ARHGAP24: variants seen among roughly 807,000 people sequenced by gnomAD.
ARHGAP24 encodes the protein Rho GTPase activating protein 24, also known as rho GTPase-activating protein 24.
ARHGAP24 carries 50 observed loss-of-function variants against 76.4 expected under a neutral mutation model. The observed-to-expected ratio is 0.65, with a 90% CI of 0.52 to 0.83. The LOEUF is 0.83. Ranked by LOEUF, ARHGAP24 falls within the 40% of genes least tolerant of loss-of-function variation. The pLI is 0.00. For synonymous variants in ARHGAP24, 345 were observed against 323.3 expected, an observed-to-expected ratio of 1.07 and a Z score of -0.72; for missense variants, 930 against 914.2, an observed-to-expected ratio of 1.02 and a Z score of -0.22.
intron 2 of ARHGAP24, among the ~76,000 whole-genome samples, chr4:85,619,495 G>T (rs1243454738): frequency 3.3e-5 from 5 of 149,302 alleles, no homozygotes; most frequent in African/African-American, 4.9e-5. Context: ...TTCTATTTCT[G>T]TAAAAAAAAA....
chr4:85,788,881 G>A (rs565100327), intron 3 of ARHGAP24, among the ~76,000 whole-genome samples: 16 of 152,288 alleles, frequency 1.1e-4, no homozygotes, highest in Admixed American at 6.5e-4. Context: ...TGAGATCAAG[G>A]ACAGAAAGGA....
chr4:85,766,211 A>G (rs985842994), intron 3 of ARHGAP24, among the ~76,000 whole-genome samples: 11 of 152,106 alleles, frequency 7.2e-5, no homozygotes, highest in African/African-American at 2.2e-4. Flanking sequence ...TGAAGGAAGT[A>G]GAGATGGGGT....
At chr4:85,928,211 G>C (rs575211639) in intron 4 of ARHGAP24, among the ~76,000 whole-genome samples, 20 of 132,500 alleles carry the variant, frequency 1.5e-4, no homozygotes, top group Non-Finnish European at 2.3e-4. Context: ...GGAAGGTTTC[G>C]TTTTCCTTCC....
chr4:85,887,917 A>G (rs892817627), intron 3 of ARHGAP24, among the ~76,000 whole-genome samples: 12 of 152,178 alleles, frequency 7.9e-5, no homozygotes, highest in African/African-American at 2.7e-4. Context: ...ATTTCTTACC[A>G]TTTATGTTGT....
chr4:85,772,931 T>C (rs1258654338), intron 3 of ARHGAP24, among the ~76,000 whole-genome samples: 2 of 151,672 alleles, frequency 1.3e-5, no homozygotes, highest in Non-Finnish European at 2.9e-5. Flanking sequence ...GTATAAAGTA[T>C]ATGCGCCTCA....
intron 1 of ARHGAP24, among the ~76,000 whole-genome samples, chr4:85,506,827 C>G (rs923765388): frequency 1.3e-5 from 2 of 152,178 alleles, no homozygotes; most frequent in African/African-American, 4.8e-5. Context: ...TCTTCTGCAT[C>G]AGTCACGCTG....
intron 3 of ARHGAP24, among the ~76,000 whole-genome samples, chr4:85,788,454 A>C (rs985614151): frequency 6.6e-5 from 10 of 152,200 alleles, no homozygotes; most frequent in African/African-American, 1.9e-4. Flanking sequence ...AGTGTAAAGT[A>C]TACTTTATTT....
intron 2 of ARHGAP24, among the ~76,000 whole-genome samples, chr4:85,645,017 A>G (rs1721672112): frequency 1.3e-5 from 2 of 152,246 alleles, no homozygotes; most frequent in Non-Finnish European, 1.5e-5. Flanking sequence ...AAAATTGACT[A>G]TTAGAAGCAA....
At chr4:85,534,471 A>G (rs1725387348) in intron 1 of ARHGAP24, among the ~76,000 whole-genome samples, 3 of 152,192 alleles carry the variant, frequency 2.0e-5, no homozygotes, top group South Asian at 4.1e-4. Context: ...TGTGGTGGCA[A>G]TAACCAATGG....
At chr4:85,636,180 T>C (rs1223214456) in intron 2 of ARHGAP24, among the ~76,000 whole-genome samples, 4 of 151,822 alleles carry the variant, frequency 2.6e-5, no homozygotes, top group South Asian at 2.1e-4. Flanking sequence ...TATTGCACTT[T>C]CCTTGTTTTT....
chr4:85,874,156 C>G (rs573360114), intron 3 of ARHGAP24, among the ~76,000 whole-genome samples: 32 of 152,188 alleles, frequency 2.1e-4, no homozygotes, highest in African/African-American at 7.5e-4. Flanking sequence ...ACAATCTGTA[C>G]AAATATTGGA....
chr4:85,570,789 A>G lies in ARHGAP24; in HGVS notation c.180+68A>G. ...CAAGAAATAGAGGGATTTGCTAGAA[A>G]CCGATTGGGACTGAGACCACCCAAA... On this transcript the variant is annotated intron_variant, in intron 2 of 9. Coordinates refer to ENST00000395184, the MANE Select transcript of ARHGAP24 (RefSeq NM_001025616.3). The G allele has an allele frequency of 3.8e-6, 6 of 1,560,868 alleles. No individual in the cohort carries two copies. The South Asian group carries it at 6.8e-5, about 18-fold the overall frequency.
rs1054434195 is a variant in ARHGAP24 at position 85,662,166 on chromosome 4, T to A, written c.181-59719T>A. ...AAAGTGTTCCTATTTCTCCACATCC[T>A]CTCCAGCACCTGTTGTTTCCTGACT... On this transcript the variant is annotated intron_variant, in intron 2 of 9. Transcript: ENST00000395184. 2.0e-4 allele frequency among the ~76,000 whole-genome samples: 31 copies of A among 152,294 alleles called. 1 individual carries two copies. In the East Asian group the frequency reaches 3.3e-3, roughly 16 times the overall value.
intron 3 of ARHGAP24, chr4:85,778,948 A>G (rs1342939409): frequency 1.0e-6 from 1 of 985,366 alleles, no homozygotes; most frequent in Non-Finnish European, 1.2e-6. Context: ...TGCGTAGACC[A>G]GACCAGTGAC....
chr4:85,949,791 A>G (rs1412485631), intron 5 of ARHGAP24, among the ~76,000 whole-genome samples: 1 of 152,218 alleles, frequency 6.6e-6, no homozygotes, highest in African/African-American at 2.4e-5. Context: ...TATAAGGATG[A>G]GAGAAACTAT....
At chr4:85,778,668 G>A (rs989702091) in intron 3 of ARHGAP24, 2 of 983,670 alleles carry the variant, frequency 2.0e-6, no homozygotes, top group African/African-American at 1.7e-5. Flanking sequence ...TTCCTTGTAG[G>A]TTTTTTTTCC....
intron 1 of ARHGAP24, among the ~76,000 whole-genome samples, chr4:85,492,090 CCCTCCTT>C (rs1341670944): frequency 1.7e-4 from 26 of 151,648 alleles, no homozygotes. Flanking sequence ...CTTCCCTCCT[CCCTCCTT>C]CCCTCCCTTC....
In ARHGAP24 at chr4:85,778,613, T is replaced by C. The variant is rs545851866; in HGVS notation, c.268+56641T>C. 1.1e-3 allele frequency: 986 copies of C among 921,442 alleles called. 2 individuals carry two copies. Among genetic ancestry groups the C allele is most frequent in the Non-Finnish European group, 1.2e-3 (938 of 771,714 alleles). 57.1% of individuals were successfully genotyped at this position (921,442 alleles called of 1,614,324 possible). A position where few individuals can be genotyped will look rare whatever the true frequency, so the allele number is the denominator to read the frequency against. ...ATGATTCCTATTTCTTATTTTGTTT[T>C]GTTTTGTTTCTAAATGCTCAAATAC... On this transcript the variant is annotated intron_variant, in intron 3 of 9. Transcript: ENST00000395184.
intron 3 of ARHGAP24, among the ~76,000 whole-genome samples, chr4:85,887,892 A>G (rs1733653767): frequency 6.6e-6 from 1 of 152,216 alleles, no homozygotes; most frequent in Non-Finnish European, 1.5e-5. Context: ...ATCAAAAAGA[A>G]GTAGAAAACA....
Sources: allele counts gnomAD v4.1 joint callset (sites outside exome capture counted in the v4.1 genomes callset), GRCh38; gene constraint gnomAD v4.1.1; transcripts MANE v1.5; gene names NCBI Gene and HGNC (gene_info 2026-07-23, HGNC 2026-07-21).